Variants in SUGP2 observed in about 807,000 individuals in gnomAD.
The protein encoded by SUGP2 is SURP and G-patch domain-containing protein 2.
SUGP2 carries 24 observed loss-of-function variants against 90.5 expected under a neutral mutation model. The observed-to-expected ratio is 0.27, with a 90% CI of 0.19 to 0.37. SUGP2 has a LOEUF of 0.37. Among genes scored for constraint, SUGP2 ranks in the 10% least tolerant of loss-of-function variants. SUGP2 has a pLI of 1.00. For synonymous variants in SUGP2, 473 were observed against 513.4 expected, an observed-to-expected ratio of 0.92 and a Z score of 1.06; for missense variants, 1,233 against 1,363.3, an observed-to-expected ratio of 0.90 and a Z score of 1.51.
intron 2 of SUGP2, among the ~76,000 whole-genome samples, chr19:19,029,835 C>T (rs962069476): frequency 7.3e-5 from 11 of 151,644 alleles, no homozygotes; most frequent in Non-Finnish European, 7.4e-5. Context: ...CTCAGCTACT[C>T]GGGAGGCTGA....
At chr19:19,026,825 C>T (rs1452413525) in intron 2 of SUGP2, among the ~76,000 whole-genome samples, 1 of 152,110 alleles carries the variant, frequency 6.6e-6, no homozygotes, top group East Asian at 1.9e-4. Flanking sequence ...TGGCTGAACC[C>T]ATCCCTCGGA....
At chr19:19,024,594 T>G (rs768256289) in intron 3 of SUGP2, 25 bp downstream of exon 3, 1 of 1,571,518 alleles carries the variant, frequency 6.4e-7, no homozygotes, top group Admixed American at 2.0e-5. Context: ...AAACAACAAA[T>G]AGAAACTTTG....
chr19:19,014,994 G>A (rs2058444677), intron 4 of SUGP2, among the ~76,000 whole-genome samples: 1 of 152,058 alleles, frequency 6.6e-6, no homozygotes, highest in Non-Finnish European at 1.5e-5. Flanking sequence ...GAGGTCAGGA[G>A]ATTGAGACCA....
At chr19:19,029,946 T>TA (rs879773514) in intron 2 of SUGP2, among the ~76,000 whole-genome samples, 3,237 of 133,044 alleles carry the variant, frequency 0.024, 89 homozygotes, top group African/African-American at 0.069. Context: ...CTGTCTCAAA[T>TA]AAAAAAAAAA....
intron 8 of SUGP2, among the ~76,000 whole-genome samples, chr19:19,000,559 GTTTTATT>G (rs2057789657): frequency 1.3e-5 from 2 of 152,120 alleles, no homozygotes; most frequent in South Asian, 4.1e-4. Flanking sequence ...AAGTTTTTAT[GTTTTATT>G]TTTTAAGGAG....
chr19:19,031,827 T>TC (rs1167061885), intron 1 of SUGP2, among the ~76,000 whole-genome samples: 1 of 150,044 alleles, frequency 6.7e-6, no homozygotes. Flanking sequence ...TATTTATCTT[T>TC]TTTTTTTTTT....
At chr19:19,031,529 G>A (rs1342731916) in intron 1 of SUGP2, among the ~76,000 whole-genome samples, 1 of 137,476 alleles carries the variant, frequency 7.3e-6, no homozygotes, top group Non-Finnish European at 1.5e-5. Flanking sequence ...GTGAGACTCC[G>A]TCTCAAAAAA....
intron 2 of SUGP2, among the ~76,000 whole-genome samples, chr19:19,029,907 C>T (rs906814727): frequency 4.0e-5 from 6 of 151,640 alleles, no homozygotes; most frequent in Non-Finnish European, 7.4e-5. Context: ...CACGTCACTG[C>T]ACTCCAGCCT....
intron 7 of SUGP2, among the ~76,000 whole-genome samples, chr19:19,003,167 C>T (rs966892941): frequency 1.3e-5 from 2 of 152,302 alleles, no homozygotes; most frequent in Admixed American, 1.3e-4. Context: ...TTCACTGCAA[C>T]ACCAAATTTT....
chr19:19,024,327 T>C (rs1473495383), intron 3 of SUGP2, among the ~76,000 whole-genome samples: 1 of 152,128 alleles, frequency 6.6e-6, no homozygotes, highest in Non-Finnish European at 1.5e-5. Context: ...GCCAGGCTGG[T>C]CTCAAACTCT....
At chr19:19,010,459 C>T (rs1240650601) in intron 4 of SUGP2, 117 bp from the exon 5 acceptor site, 3 of 1,391,058 alleles carry the variant, frequency 2.2e-6, no homozygotes, top group Non-Finnish European at 2.9e-6. Flanking sequence ...TCTCCTGTCT[C>T]AGAGGCTCTG....
chr19:19,024,255 T>C (rs2058838117), intron 3 of SUGP2, among the ~76,000 whole-genome samples: 1 of 152,012 alleles, frequency 6.6e-6, no homozygotes, highest in Non-Finnish European at 1.5e-5. Flanking sequence ...GGATTTCAGG[T>C]GCGTGCCACC....
In SUGP2 at chr19:18,995,229, C is replaced by T; in HGVS notation, c.3043G>A (p.Gly1015Ser). The T allele has an allele frequency of 1.2e-6, 2 of 1,612,812 alleles. No homozygotes were observed. The highest frequency in any genetic ancestry group is 1.1e-5 in the South Asian group (1 of 91,012). Residue 1015 changes from glycine (G) to serine (S), a missense_variant, in exon 9 of 11, where the codon GGC (glycine) becomes AGC (serine). Transcript: ENST00000452918. Reference sequence around the variant, plus strand: ...CCCATCTTCTGCAGCATCTGGAAGCCCAGGTTCTTATCGGTCAGCTTCTGC... The same window carrying T: ...CCCATCTTCTGCAGCATCTGGAAGCTCAGGTTCTTATCGGTCAGCTTCTGC... ...AQQKLTDKNL[G>S]FQMLQKMGWK...
In SUGP2 at chr19:19,025,932, G is replaced by A. The variant is rs747665401; in HGVS notation, c.416C>T (p.Ala139Val). The change falls in exon 3 of 11, where the codon GCG becomes GTG. Residue 139 changes from alanine to valine, a missense_variant. By Grantham distance (64) the Ala-to-Val change is moderately conservative. This residue lies in a region of SUGP2 where 418 missense variants were observed against 399.9 expected (regional missense o/e 1.05). Transcript: ENST00000452918. Reference protein sequence around the residue: ...GHFRSQDWKFALRGSWEQDFG... With the variant: ...GHFRSQDWKFVLRGSWEQDFG... ...GTCTTGTTCCCAAGAACCACGGAGC[G>A]CAAATTTCCAGTCCTGAGAACGGAA... 11 of 1,614,150 alleles carry A rather than the reference G, an allele frequency of 6.8e-6. No homozygotes were observed. The highest frequency in any genetic ancestry group is 1.6e-4 in the Middle Eastern group (1 of 6,062).
chr19:19,001,752 C>T, intron 7 of SUGP2, 78 bp from the exon 8 acceptor site: 1 of 1,453,800 alleles, frequency 6.9e-7, no homozygotes, highest in East Asian at 2.3e-5. Flanking sequence ...ATCTTGCAGT[C>T]TATTTTGGCT....
In SUGP2 at chr19:19,025,416, C is replaced by T. The variant is rs2058882831; in HGVS notation, c.932G>A (p.Arg311Lys). 1.9e-6 allele frequency: 3 copies of T among 1,614,144 alleles called. No individual in the cohort carries two copies. Among genetic ancestry groups the T allele is most frequent in the South Asian group, 1.1e-5 (1 of 91,072 alleles). ...TATGATGTCAAAGCTCATCTTTCTT[C>T]TGGGGAGCCGAAGATTCTTCAGATC... Reference protein sequence around the residue: ...GLDLKNLRLPRRKMSFDIIDK... With the variant: ...GLDLKNLRLPKRKMSFDIIDK... Residue 311 changes from arginine (R) to lysine (K), a missense_variant, in exon 3 of 11, where the codon AGA (arginine) becomes AAA (lysine). Coordinates refer to ENST00000452918, the MANE Select transcript of SUGP2 (RefSeq NM_001017392.5).
intron 7 of SUGP2, 26 bp from the exon 8 acceptor site, chr19:19,001,700 T>C (rs760091302): frequency 5.0e-6 from 8 of 1,611,386 alleles, no homozygotes; most frequent in East Asian, 4.5e-5. Flanking sequence ...AAGAGACACA[T>C]ACACATACAT....
chr19:19,002,358 C>T (rs1050842014), intron 7 of SUGP2, among the ~76,000 whole-genome samples: 1 of 147,700 alleles, frequency 6.8e-6, no homozygotes, highest in African/African-American at 2.5e-5. Flanking sequence ...CCAGCCTGGG[C>T]GACAAGAACA....
intron 4 of SUGP2, among the ~76,000 whole-genome samples, chr19:19,011,750 A>G (rs1001437234): frequency 3.9e-5 from 6 of 152,152 alleles, no homozygotes; most frequent in African/African-American, 1.4e-4. Flanking sequence ...TAATCCCAGC[A>G]CTTTGGGAGG....
Sources: gnomAD v4.1 joint callset for allele counts (sites outside exome capture counted in the v4.1 genomes callset) on GRCh38, gnomAD v4.1.1 for gene constraint, gnomAD v4.1.1 regional missense constraint, MANE v1.5 for transcripts, NCBI Gene and HGNC (gene_info 2026-07-23, HGNC 2026-07-21) for gene names.